Variants in BRINP2 observed in about 807,000 individuals in gnomAD.
BRINP2 encodes the protein BMP/retinoic acid inducible neural specific 2.
In BRINP2, 21 loss-of-function variants were observed where a neutral mutation model predicts 69.2. That is an observed-to-expected ratio of 0.30 (90% CI 0.22 to 0.44). The LOEUF (loss-of-function observed/expected upper bound fraction) is 0.44, where lower values mean the gene tolerates loss of function less well. Among genes scored for constraint, BRINP2 ranks in the 20% least tolerant of loss-of-function variants. BRINP2 has a pLI of 1.00. For missense variants in BRINP2, 877 were observed against 986.0 expected (o/e 0.89, Z 1.48); for synonymous variants, 380 against 394.1 (o/e 0.96, Z 0.42).
intron 5 of BRINP2, chr1:177,275,314 A>T (rs1651457421): frequency 2.4e-5 from 11 of 449,662 alleles, no homozygotes; most frequent in South Asian, 1.6e-4. Context: ...TCTATCCAAG[A>T]TCAGAAGTTA....
At chr1:177,198,087 C>T (rs1648796831) in intron 1 of BRINP2, among the ~76,000 whole-genome samples, 1 of 151,984 alleles carries the variant, frequency 6.6e-6, no homozygotes. Context: ...TGCATGATCC[C>T]AGGTTCAAAG....
chr1:177,220,951 T>G (rs1649511269), intron 1 of BRINP2, among the ~76,000 whole-genome samples: 1 of 152,232 alleles, frequency 6.6e-6, no homozygotes, highest in South Asian at 2.1e-4. Flanking sequence ...AAAAGCAGCA[T>G]GCTTATCTAA....
intron 2 of BRINP2, among the ~76,000 whole-genome samples, chr1:177,240,057 G>A (rs948556227): frequency 6.6e-5 from 10 of 152,176 alleles, no homozygotes; most frequent in East Asian, 1.9e-4. Flanking sequence ...GGATAAAAAC[G>A]AGGTAGCCAG....
chr1:177,229,081 G>A (rs996744343), intron 1 of BRINP2, among the ~76,000 whole-genome samples: 4 of 152,146 alleles, frequency 2.6e-5, no homozygotes, highest in Admixed American at 2.6e-4. Flanking sequence ...ATATCCTTGA[G>A]AGCATGATCC....
chr1:177,236,918 TA>T (rs59673685), intron 2 of BRINP2, among the ~76,000 whole-genome samples: 2,920 of 115,934 alleles, frequency 0.025, 65 homozygotes, highest in African/African-American at 0.073. Flanking sequence ...AGGGTGCAAC[TA>T]AAAAAAAAAA....
At chr1:177,224,496 C>T (rs1157454708) in intron 1 of BRINP2, among the ~76,000 whole-genome samples, 1 of 152,186 alleles carries the variant, frequency 6.6e-6, no homozygotes, top group African/African-American at 2.4e-5. Context: ...GTGGGATCAC[C>T]TGACCTCATA....
chr1:177,205,912 G>A lies in BRINP2; in HGVS notation c.-76-23889G>A, dbSNP rs568130101. ...CCCTTGCATAGGCCCCTCCCATAGC[G>A]TATCAGTGCTGGTCTATGTGACCAA... On this transcript the variant is annotated intron_variant, in intron 1 of 7. Transcript: ENST00000361539. Among the ~76,000 whole-genome samples, 50 of 152,320 alleles carry A rather than the reference G, an allele frequency of 3.3e-4. 1 individual carries two copies. Among genetic ancestry groups the A allele is most frequent in the South Asian group, 1.5e-3 (7 of 4,820 alleles).
chr1:177,226,467 G>A (rs1368477424), intron 1 of BRINP2, among the ~76,000 whole-genome samples: 1 of 152,210 alleles, frequency 6.6e-6, no homozygotes, highest in Non-Finnish European at 1.5e-5. Flanking sequence ...TCTTCAGGGA[G>A]CATGAAGAAC....
Position 177,273,606 on chromosome 1 carries a change from A to T in BRINP2, c.775+13A>T, listed in dbSNP as rs762198580. 1.3e-6 allele frequency: 2 copies of T among 1,517,156 alleles called. No individual in the cohort carries two copies. The highest frequency in any genetic ancestry group is 1.8e-6 in the Non-Finnish European group (2 of 1,118,150). The allele number at this position is 1,517,156 out of a possible 1,614,324, so 94.0% of individuals were successfully genotyped here. ...GTACAGTTACTTGGTAAGCAGCACT[A>T]TGATGGTTTTCATACCTTTCACACC... On this transcript the variant is annotated intron_variant, in intron 5 of 7. Coordinates refer to ENST00000361539, the MANE Select transcript of BRINP2 (RefSeq NM_021165.4).
At chr1:177,223,432 C>T (rs1016202160) in intron 1 of BRINP2, among the ~76,000 whole-genome samples, 1 of 152,076 alleles carries the variant, frequency 6.6e-6, no homozygotes, top group Non-Finnish European at 1.5e-5. Context: ...AGGCTGGGTC[C>T]GTCTTGTTCA....
Position 177,171,428 on chromosome 1 carries a change from GA to G in BRINP2, c.-379del. 6.4e-6 allele frequency: 1 copy of G among 157,292 alleles called. No individual in the cohort carries two copies. Among genetic ancestry groups the G allele is most frequent in the Non-Finnish European group, 1.4e-5 (1 of 71,220 alleles). 9.7% of individuals were successfully genotyped at this position (157,292 alleles called of 1,614,324 possible). A position where few individuals can be genotyped will look rare whatever the true frequency, so the allele number is the denominator to read the frequency against. On this transcript the variant is annotated 5_prime_UTR_variant, in exon 1 of 8. An upstream open reading frame in the 5' UTR loses its in-frame stop. Coordinates refer to ENST00000361539, the MANE Select transcript of BRINP2 (RefSeq NM_021165.4). Reference sequence around the variant, plus strand: ...GACCGGGATCCTGGCTGCTCAGCGGGAAGGCAGCAGGCAAGTGGTCTAACGT... The same window carrying G: ...GACCGGGATCCTGGCTGCTCAGCGGGAGGCAGCAGGCAAGTGGTCTAACGT...
chr1:177,225,571 C>T (rs553839246), intron 1 of BRINP2, among the ~76,000 whole-genome samples: 4 of 152,096 alleles, frequency 2.6e-5, no homozygotes, highest in Non-Finnish European at 4.4e-5. Flanking sequence ...AGCAGTTCCA[C>T]CAGAAGTTGT....
At chr1:177,205,220 A>C (rs115518330) in intron 1 of BRINP2, among the ~76,000 whole-genome samples, 4,956 of 152,124 alleles carry the variant, frequency 0.033, 213 homozygotes, top group African/African-American at 0.097. Context: ...CTCGGCTCAC[A>C]ATCTCCACCT....
chr1:177,276,526 C>A, intron 6 of BRINP2, 92 bp downstream of exon 6: 1 of 1,173,440 alleles, frequency 8.5e-7, no homozygotes, highest in Non-Finnish European at 1.2e-6. Flanking sequence ...AGTTGAGGAT[C>A]CTCATGGGGA....
chr1:177,280,554 T>A lies in BRINP2; in HGVS notation c.1378T>A (p.Leu460Met), dbSNP rs1333475730. Residue 460 changes from leucine to methionine, a missense_variant, in exon 8 of 8, where the codon TTG (leucine) becomes ATG (methionine). Physicochemically the swap from Leu to Met is conservative, Grantham distance 15. Coordinates refer to ENST00000361539, the MANE Select transcript of BRINP2 (RefSeq NM_021165.4). The part of the protein sequence containing the change: ...SSCQGPIPCA[L>M]GEGPACAHCA... ...CTGCCAGGGCCCCATCCCATGTGCC[T>A]TGGGCGAAGGGCCCGCGTGTGCCCA... 1.9e-6 allele frequency: 3 copies of A among 1,614,082 alleles called. No individual in the cohort carries two copies. The highest frequency in any genetic ancestry group is 2.5e-6 in the Non-Finnish European group (3 of 1,180,038).
chr1:177,181,489 A>G (rs1004477615), intron 1 of BRINP2, among the ~76,000 whole-genome samples: 5 of 152,146 alleles, frequency 3.3e-5, no homozygotes, highest in South Asian at 2.1e-4. Context: ...GAGAGCGCGG[A>G]GACTCCTGCT....
At chr1:177,235,943 G>A (rs969157207) in intron 2 of BRINP2, among the ~76,000 whole-genome samples, 1 of 152,190 alleles carries the variant, frequency 6.6e-6, no homozygotes, top group Admixed American at 6.5e-5. Flanking sequence ...CACTGGGTTT[G>A]CGTTTTGACC....
rs574352076 is a variant in BRINP2, at chr1:177,250,273, G to A, written c.270-5646G>A. Among the ~76,000 whole-genome samples, 4 of 152,156 alleles carry A rather than the reference G, an allele frequency of 2.6e-5. No homozygotes were observed. In the South Asian group the frequency reaches 8.3e-4, roughly 32 times the overall value. On this transcript the variant is annotated intron_variant, in intron 2 of 7. Transcript: ENST00000361539. ...GATGAAAATAGATTTGGGTTTTTTT[G>A]TTTGTTTTTTGTTCTTTGGCAAATG...
chr1:177,190,185 G>A (rs765991182), intron 1 of BRINP2, among the ~76,000 whole-genome samples: 34 of 152,252 alleles, frequency 2.2e-4, no homozygotes, highest in Non-Finnish European at 4.3e-4. Context: ...CTCATACGGG[G>A]CAACCCTCCA....
Sources: allele counts gnomAD v4.1 joint callset (sites outside exome capture counted in the v4.1 genomes callset), GRCh38; gene constraint gnomAD v4.1.1; transcripts MANE v1.5; gene names NCBI Gene and HGNC (gene_info 2026-07-23, HGNC 2026-07-21).